The following DHX35 variants were observed in gnomAD, a reference collection of about 807,000 sequenced individuals.
DHX35 encodes probable ATP-dependent RNA helicase DHX35.
In DHX35, 84 loss-of-function variants were observed where a neutral mutation model predicts 99.6. The ratio of observed to expected loss-of-function variants is 0.84; its 90% CI spans 0.71 to 1.01. The LOEUF (loss-of-function observed/expected upper bound fraction) is 1.01, where lower values mean the gene tolerates loss of function less well. Among genes scored for constraint, DHX35 ranks in the 50% least tolerant of loss-of-function variants. The pLI, the probability that DHX35 is intolerant of heterozygous loss-of-function variation, is 0.00. For synonymous variants in DHX35, 331 were observed against 316.2 expected (o/e 1.05, Z -0.50); for missense variants, 852 against 888.5 (o/e 0.96, Z 0.52).
rs2086759169 is a variant in DHX35, at chr20:39,014,920, T to A, written c.1388T>A (p.Leu463Gln). Reference sequence around the variant, plus strand: ...TCGATGGTTCAAGCCTTGGAGTTACTGTATGCTCTGGGAGGTATGCCAGTT... The same window carrying A: ...TCGATGGTTCAAGCCTTGGAGTTACAGTATGCTCTGGGAGGTATGCCAGTT... ...AQSMVQALELLYALGGLDKDC... is the reference protein window; with the variant it reads ...AQSMVQALELQYALGGLDKDC... Residue 463 changes from leucine to glutamine, a missense_variant, in exon 14 of 22, where the codon CTG becomes CAG. By Grantham distance (113) the Leu-to-Gln change is moderately radical. Coordinates refer to ENST00000252011, the MANE Select transcript of DHX35 (RefSeq NM_021931.4). 6.2e-7 allele frequency: 1 copy of A among 1,614,104 alleles called. No individual in the cohort carries two copies. Among genetic ancestry groups the A allele is most frequent in the African/African-American group, 1.3e-5 (1 of 74,936 alleles).
intron 1 of DHX35, among the ~76,000 whole-genome samples, chr20:38,965,735 C>A (rs2085900602): frequency 6.6e-6 from 1 of 152,034 alleles, no homozygotes; most frequent in Non-Finnish European, 1.5e-5. Flanking sequence ...TTAAGATACC[C>A]ATTTGTGGTG....
At chr20:38,990,165 T>C (rs2086315975) in intron 5 of DHX35, among the ~76,000 whole-genome samples, 1 of 152,228 alleles carries the variant, frequency 6.6e-6, no homozygotes, top group Non-Finnish European at 1.5e-5. Context: ...AAAAACCTTT[T>C]GTATTCCATT....
At chr20:38,986,650 A>G (rs972312747) in intron 4 of DHX35, among the ~76,000 whole-genome samples, 2 of 152,192 alleles carry the variant, frequency 1.3e-5, no homozygotes, top group African/African-American at 4.8e-5. Context: ...TCTGAGATTT[A>G]TAATATAACG....
chr20:39,031,054 C>T (rs1049771568), intron 20 of DHX35, among the ~76,000 whole-genome samples: 7 of 151,946 alleles, frequency 4.6e-5, no homozygotes, highest in East Asian at 3.9e-4. Context: ...CTGAGCTACT[C>T]GGGAGGCTGA....
At chr20:39,028,871 C>T (rs1186215495) in intron 19 of DHX35, among the ~76,000 whole-genome samples, 2 of 152,176 alleles carry the variant, frequency 1.3e-5, no homozygotes, top group Non-Finnish European at 2.9e-5. Context: ...GAGATCTGCA[C>T]GACTGAAGTC....
intron 1 of DHX35, among the ~76,000 whole-genome samples, chr20:38,963,652 G>A (rs1009162285): frequency 5.9e-5 from 9 of 152,226 alleles, no homozygotes; most frequent in Admixed American, 2.0e-4. Context: ...TTTGAAATCA[G>A]ACCAGGGTAC....
chr20:39,034,351 T>C (rs2087108158), intron 21 of DHX35, 34 bp downstream of exon 21: 1 of 1,517,570 alleles, frequency 6.6e-7, no homozygotes, highest in Non-Finnish European at 9.2e-7. Context: ...CCCAGCCACC[T>C]GTTCACAGCC....
chr20:39,030,573 A>ATGGAGATAATTG, intron 19 of DHX35, 131 bp from the exon 20 acceptor site: 1 of 765,412 alleles, frequency 1.3e-6, no homozygotes, highest in Non-Finnish European at 2.1e-6. Flanking sequence ...GCAAGAGAAG[A>ATGGAGATAATTG]TGGAGATAAT....
chr20:39,006,305 G>A lies in DHX35; in HGVS notation c.1171G>A (p.Ala391Thr), dbSNP rs1211915305. 3.1e-6 allele frequency: 5 copies of A among 1,614,134 alleles called. No homozygotes were observed. The highest frequency in any genetic ancestry group is 4.2e-6 in the Non-Finnish European group (5 of 1,180,020). ...PVSQASANQR[A>T]GRGGRSRSGK... ...CTCCCAGGCATCAGCTAATCAGCGA[G>A]CAGGACGTGGTGGTCGTAGTCGCTC... is the stretch of plus-strand genomic sequence containing the variant. The change falls in exon 12 of 22, where the codon GCA (alanine) becomes ACA (threonine). Residue 391 changes from alanine to threonine, a missense_variant. By Grantham distance (58) the Ala-to-Thr change is moderately conservative. Coordinates refer to ENST00000252011, the MANE Select transcript of DHX35 (RefSeq NM_021931.4).
At chr20:39,005,590 C>T (rs1409517339) in intron 11 of DHX35, among the ~76,000 whole-genome samples, 2 of 152,138 alleles carry the variant, frequency 1.3e-5, no homozygotes, top group South Asian at 2.1e-4. Flanking sequence ...TTGTTGTTCT[C>T]TGAAATTATC....
At chr20:39,017,243 T>G (rs2086800965) in intron 14 of DHX35, among the ~76,000 whole-genome samples, 1 of 152,182 alleles carries the variant, frequency 6.6e-6, no homozygotes, top group Admixed American at 6.5e-5. Context: ...TTATGTTGAT[T>G]TTACTTCTCT....
chr20:38,987,278 C>A (rs1186550782), intron 4 of DHX35, among the ~76,000 whole-genome samples: 1 of 152,240 alleles, frequency 6.6e-6, no homozygotes, highest in South Asian at 2.1e-4. Context: ...GTCTCTTTGT[C>A]ACCGAGGCTG....
At chr20:38,990,013 G>A (rs2086313723) in intron 5 of DHX35, among the ~76,000 whole-genome samples, 1 of 152,212 alleles carries the variant, frequency 6.6e-6, no homozygotes. Context: ...TTGTAAAAAT[G>A]TAGACCTTAT....
intron 8 of DHX35, among the ~76,000 whole-genome samples, chr20:38,997,493 T>C (rs547672754): frequency 1.3e-5 from 2 of 152,318 alleles, no homozygotes; most frequent in East Asian, 3.9e-4. Context: ...ATAGATGACT[T>C]TCTGGAAGCA....
At chr20:39,022,005 T>A in intron 16 of DHX35, 70 bp downstream of exon 16, 1 of 1,474,460 alleles carries the variant, frequency 6.8e-7, no homozygotes, top group Non-Finnish European at 9.5e-7. Flanking sequence ...GTCAAAACTG[T>A]ACTCAGGAAC....
chr20:39,023,927 G>A (rs2086911387), intron 17 of DHX35, among the ~76,000 whole-genome samples, 160 bp downstream of exon 17: 1 of 152,200 alleles, frequency 6.6e-6, no homozygotes, highest in African/African-American at 2.4e-5. Context: ...GGTGGGTCGG[G>A]CTTTCTGCCT....
In DHX35 at chr20:38,999,118, C is replaced by G. The variant is rs140042153; in HGVS notation, c.643-2612C>G. 3.7e-3 allele frequency among the ~76,000 whole-genome samples: 567 copies of G among 152,274 alleles called. 2 individuals carry two copies. The highest frequency in any genetic ancestry group is 0.013 in the African/African-American group (545 of 41,560). The stretch of plus-strand genomic sequence containing the variant: ...AGTCTTAATTCTTGAAAGAGTAACT[C>G]TTTACTTTTCAGTACCACATAGTCC... On this transcript the variant is annotated intron_variant, in intron 8 of 21. Transcript: ENST00000252011.
intron 3 of DHX35, chr20:38,978,388 A>ACCT (rs1432308080): frequency 2.8e-6 from 2 of 701,924 alleles, no homozygotes; most frequent in East Asian, 5.2e-5. Context: ...CTGGGGCCTC[A>ACCT]CAGGGCTCAT....
chr20:38,964,071 T>C (rs2085874603), intron 1 of DHX35, among the ~76,000 whole-genome samples: 1 of 152,200 alleles, frequency 6.6e-6, no homozygotes, highest in African/African-American at 2.4e-5. Flanking sequence ...ATCTTGGCAC[T>C]AGATAGGTTA....
Sources: allele counts gnomAD v4.1 joint callset (sites outside exome capture counted in the v4.1 genomes callset), GRCh38; gene constraint gnomAD v4.1.1; transcripts MANE v1.5; gene names NCBI Gene and HGNC (gene_info 2026-07-23, HGNC 2026-07-21).